The following SCAF8 variants were observed in gnomAD, a reference collection of about 807,000 sequenced individuals.
SCAF8 encodes the protein SR-related and CTD-associated factor 8.
Under a neutral mutation model 140.5 loss-of-function variants are expected in SCAF8, and 23 were observed. The observed-to-expected ratio is 0.16, with a 90% CI of 0.12 to 0.23. SCAF8 has a LOEUF of 0.23. Ranked by LOEUF, SCAF8 falls within the 10% of genes least tolerant of loss-of-function variation. The probability of loss-of-function intolerance (pLI) is 1.00; values close to 1 mark genes in which losing one functional copy is unlikely to be tolerated. For synonymous variants in SCAF8, 575 were observed against 528.9 expected (o/e 1.09, Z -1.20); for missense variants, 1,397 against 1,555.7 (o/e 0.90, Z 1.72).
chr6:154,814,388 T>C (rs1292468172), intron 12 of SCAF8, among the ~76,000 whole-genome samples: 2 of 152,168 alleles, frequency 1.3e-5, no homozygotes, highest in African/African-American at 4.8e-5. Flanking sequence ...AAATTGAATA[T>C]GCATAGGGTA....
chr6:154,734,094 C>T (rs1236663670), intron 1 of SCAF8, among the ~76,000 whole-genome samples, 164 bp downstream of exon 1: 2 of 152,112 alleles, frequency 1.3e-5, no homozygotes, highest in Non-Finnish European at 2.9e-5. Flanking sequence ...TCTGGGTGCC[C>T]CTCCCCCGGG....
chr6:154,740,738 C>T (rs1372677170), intron 1 of SCAF8, among the ~76,000 whole-genome samples: 1 of 151,638 alleles, frequency 6.6e-6, no homozygotes, highest in East Asian at 1.9e-4. Flanking sequence ...CCCACCTCAG[C>T]CTCCTGAGTA....
intron 1 of SCAF8, chr6:154,742,083 G>T: frequency 4.7e-6 from 5 of 1,069,882 alleles, no homozygotes; most frequent in Non-Finnish European, 6.9e-6. Context: ...ATTGGTAGTG[G>T]AATAGTGTAT....
At chr6:154,742,112 C>G in intron 1 of SCAF8, 2 of 804,098 alleles carry the variant, frequency 2.5e-6, no homozygotes, top group Middle Eastern at 2.3e-4. Context: ...ATGGTTAGTA[C>G]TTGGGAAGCA....
chr6:154,733,482 C>T lies in SCAF8; in HGVS notation c.-419C>T. The T allele has an allele frequency of 7.4e-7, 1 of 1,345,318 alleles. No individual in the cohort carries two copies. The highest frequency in any genetic ancestry group is 9.5e-7 in the Non-Finnish European group (1 of 1,051,956). 83.3% of individuals were successfully genotyped at this position (1,345,318 alleles called of 1,614,324 possible). A position where few individuals can be genotyped will look rare whatever the true frequency, so the allele number is the denominator to read the frequency against. The stretch of plus-strand genomic sequence containing the variant: ...TGTCTTCGCCGAGCGGGGCTGGTTC[C>T]TGCGGCCCGAGCGGCGGGGAGGTGA... On this transcript the variant is annotated 5_prime_UTR_variant, in exon 1 of 20. Transcript: ENST00000367178.
chr6:154,809,796 A>T (rs1344905660), intron 11 of SCAF8, among the ~76,000 whole-genome samples: 2 of 152,156 alleles, frequency 1.3e-5, no homozygotes, highest in African/African-American at 4.8e-5. Flanking sequence ...GTGAATAGTC[A>T]CCCATACTCA....
At chr6:154,807,926 C>T (rs1218443638) in intron 9 of SCAF8, 144 bp from the exon 10 acceptor site, 2 of 660,182 alleles carry the variant, frequency 3.0e-6, no homozygotes, top group Non-Finnish European at 4.8e-6. Context: ...GGATTGATTA[C>T]TTTATAAATG....
At position 154,818,624 on chromosome 6, in the gene SCAF8, G is replaced by C. The variant is rs767703549; in HGVS notation, c.1635+32G>C. ...TTTGGTGGATTGGAACTTGGGGTAG[G>C]GGGGCAGTATTTTTAATGTCTGTTA... is the stretch of plus-strand genomic sequence containing the variant. On this transcript the variant is annotated intron_variant, in intron 14 of 19. Transcript: ENST00000367178. 2.7e-6 allele frequency: 3 copies of C among 1,117,580 alleles called. No individual in the cohort carries two copies. In the African/African-American group the frequency reaches 4.7e-5, roughly 17 times the overall value. The allele number at this position is 1,117,580 out of a possible 1,614,324, so 69.2% of individuals were successfully genotyped here.
intron 1 of SCAF8, chr6:154,741,890 C>G (rs1260574504): frequency 9.0e-7 from 1 of 1,114,390 alleles, no homozygotes; most frequent in African/African-American, 1.5e-5. Flanking sequence ...AGCTCCTGAA[C>G]TTTTAAGTGA....
At chr6:154,790,835 T>C (rs1777400131) in intron 4 of SCAF8, among the ~76,000 whole-genome samples, 1 of 152,104 alleles carries the variant, frequency 6.6e-6, no homozygotes, top group Non-Finnish European at 1.5e-5. Flanking sequence ...GATTTTAGCC[T>C]CTGTCTTTTT....
At chr6:154,743,263 A>G (rs1185396838) in intron 1 of SCAF8, among the ~76,000 whole-genome samples, 1 of 152,252 alleles carries the variant, frequency 6.6e-6, no homozygotes, top group African/African-American at 2.4e-5. Context: ...ACAGTGGGAA[A>G]ATATGACTAG....
Position 154,775,327 on chromosome 6 carries a change from A to T in SCAF8, c.114+1255A>T, listed in dbSNP as rs557623125. On this transcript the variant is annotated intron_variant, in intron 2 of 19. Coordinates refer to ENST00000367178, the MANE Select transcript of SCAF8 (RefSeq NM_014892.5). The stretch of plus-strand genomic sequence containing the variant: ...ATTATTTAGAGGATTTGATAGGCTC[A>T]TTGTGGAATAATTTTATTCTCTTGT... Among the ~76,000 whole-genome samples, 6 of 152,320 alleles carry T rather than the reference A, an allele frequency of 3.9e-5. No homozygotes were observed. The East Asian group carries it at 1.2e-3, about 29-fold the overall frequency.
chr6:154,796,423 C>T (rs577999957), intron 6 of SCAF8, among the ~76,000 whole-genome samples: 5 of 143,808 alleles, frequency 3.5e-5, no homozygotes, highest in East Asian at 2.1e-4. Flanking sequence ...CTCAAATTCA[C>T]GCTATCCTTT....
intron 1 of SCAF8, among the ~76,000 whole-genome samples, chr6:154,772,724 G>A (rs1169065561): frequency 2.6e-5 from 4 of 152,052 alleles, no homozygotes; most frequent in Non-Finnish European, 5.9e-5. Context: ...AGTGGGGGAT[G>A]GGGTGGGATT....
chr6:154,814,686 T>C (rs778270416), intron 12 of SCAF8, among the ~76,000 whole-genome samples: 5 of 152,154 alleles, frequency 3.3e-5, no homozygotes, highest in South Asian at 2.1e-4. Flanking sequence ...ATATAACATA[T>C]GAAAATTCTG....
chr6:154,749,091 C>T (rs568469491), intron 1 of SCAF8, among the ~76,000 whole-genome samples: 7 of 152,164 alleles, frequency 4.6e-5, no homozygotes, highest in South Asian at 2.1e-4. Flanking sequence ...ATGGGCATGG[C>T]GCCACCATCC....
intron 1 of SCAF8, among the ~76,000 whole-genome samples, chr6:154,736,540 G>A (rs1350338365): frequency 6.6e-6 from 1 of 152,132 alleles, no homozygotes. Flanking sequence ...CCAAAGTGCT[G>A]GGATTACAGG....
At chr6:154,778,386 G>T (rs1776975931) in intron 3 of SCAF8, among the ~76,000 whole-genome samples, 1 of 152,176 alleles carries the variant, frequency 6.6e-6, no homozygotes, top group African/African-American at 2.4e-5. Flanking sequence ...CAACTGGCTA[G>T]GTAACTTTGA....
intron 18 of SCAF8, among the ~76,000 whole-genome samples, chr6:154,828,549 A>C (rs561749971): frequency 6.8e-6 from 1 of 148,012 alleles, no homozygotes; most frequent in Middle Eastern, 3.5e-3. Flanking sequence ...AGATTGTTTC[A>C]TCTTTGGACG....
Sources: gnomAD v4.1 joint callset for allele counts (sites outside exome capture counted in the v4.1 genomes callset) on GRCh38, gnomAD v4.1.1 for gene constraint, MANE v1.5 for transcripts, NCBI Gene and HGNC (gene_info 2026-07-23, HGNC 2026-07-21) for gene names.